ATP10B: variants seen among roughly 807,000 people sequenced by gnomAD.
ATP10B encodes ATPase phospholipid transporting 10B (putative), also known as phospholipid-transporting ATPase VB.
Under a neutral mutation model 141.2 loss-of-function variants are expected in ATP10B, and 122 were observed. The observed-to-expected ratio is 0.86, with a 90% CI of 0.75 to 1.00. The LOEUF (loss-of-function observed/expected upper bound fraction) is 1.00. ATP10B is among the 50% of genes least tolerant of loss of function. The pLI is 0.00. For synonymous variants in ATP10B, 685 were observed against 692.0 expected, an observed-to-expected ratio of 0.99 and a Z score of 0.16; for missense variants, 1,876 against 1,825.3, an observed-to-expected ratio of 1.03 and a Z score of -0.51.
chr5:160,919,075 T>A, the ATP10B span, among the ~76,000 whole-genome samples: 2 of 149,170 alleles, frequency 1.3e-5, no homozygotes, highest in Non-Finnish European at 3.0e-5. Flanking sequence ...AATACAAAAA[T>A]TAGCCGGGCA....
intron 2 of ATP10B, among the ~76,000 whole-genome samples, chr5:160,765,578 A>G (rs1769339305): frequency 1.3e-5 from 2 of 152,230 alleles, no homozygotes; most frequent in Non-Finnish European, 2.9e-5. Context: ...TGGATCAAAT[A>G]CTTAAATCTA....
chr5:160,663,367 T>C (rs1762075117), intron 7 of ATP10B, among the ~76,000 whole-genome samples: 1 of 152,114 alleles, frequency 6.6e-6, no homozygotes, highest in African/African-American at 2.4e-5. Flanking sequence ...CTATTCACAA[T>C]AGCAAAGACT....
At chr5:160,567,842 T>C (rs2127592659) in intron 25 of ATP10B, among the ~76,000 whole-genome samples, 1 of 152,222 alleles carries the variant, frequency 6.6e-6, no homozygotes. Flanking sequence ...CCAATGATAA[T>C]GGACTAGAGT....
intron 1 of ATP10B, among the ~76,000 whole-genome samples, chr5:160,816,465 C>T (rs546147527): frequency 6.6e-6 from 1 of 152,134 alleles, no homozygotes; most frequent in Admixed American, 6.5e-5. Flanking sequence ...GAAGTTGAAT[C>T]TCTGAATAGA....
intron 3 of ATP10B, among the ~76,000 whole-genome samples, chr5:160,690,365 T>G (rs1056926373): frequency 6.6e-6 from 1 of 152,108 alleles, no homozygotes; most frequent in African/African-American, 2.4e-5. Flanking sequence ...TGGGATCTAA[T>G]TAAACTAAAG....
chr5:160,583,460 C>T (rs1031587378), intron 24 of ATP10B, among the ~76,000 whole-genome samples: 23 of 152,354 alleles, frequency 1.5e-4, no homozygotes, highest in Middle Eastern at 6.8e-3. Context: ...CCCAGAGGGG[C>T]ACCCACCAGA....
At chr5:160,750,498 A>T (rs913790022) in intron 2 of ATP10B, among the ~76,000 whole-genome samples, 8 of 152,116 alleles carry the variant, frequency 5.3e-5, no homozygotes, top group African/African-American at 1.7e-4. Flanking sequence ...CTAAGTCATA[A>T]AATTTCCAGA....
chr5:160,818,413 T>C (rs1032701235), intron 1 of ATP10B, among the ~76,000 whole-genome samples: 8 of 152,236 alleles, frequency 5.3e-5, no homozygotes, highest in Non-Finnish European at 7.3e-5. Flanking sequence ...TCATTATCAC[T>C]GGCCATCAGA....
intron 7 of ATP10B, among the ~76,000 whole-genome samples, chr5:160,650,666 C>T (rs1251709075): frequency 6.6e-6 from 1 of 152,170 alleles, no homozygotes; most frequent in Non-Finnish European, 1.5e-5. Flanking sequence ...AGTAGGTCTT[C>T]AGGACCCAGA....
In ATP10B at chr5:160,798,786, T is replaced by G. The variant is rs1772148059; in HGVS notation, c.-575-12983A>C. Among the ~76,000 whole-genome samples the G allele has an allele frequency of 2.0e-5, 3 of 148,104 alleles. No homozygotes were observed. The South Asian group carries it at 6.5e-4, about 32-fold the overall frequency. ...TTTTTTTTGAGGCAAAGGCTTACTC[T>G]GTCACCCAGGCTGGAGTCCAATGGT... is the stretch of plus-strand genomic sequence containing the variant. On this transcript the variant is annotated intron_variant, in intron 1 of 25. Coordinates refer to ENST00000327245, the MANE Select transcript of ATP10B (RefSeq NM_025153.3).
the ATP10B span, among the ~76,000 whole-genome samples, chr5:160,883,035 T>A: frequency 6.6e-6 from 1 of 152,030 alleles, no homozygotes; most frequent in South Asian, 2.1e-4. Flanking sequence ...CTAGGATAAA[T>A]ATAGTAAACA....
In ATP10B at chr5:160,683,045, A is replaced by C. The variant is rs1317117144; in HGVS notation, c.470+3034T>G. Among the ~76,000 whole-genome samples the C allele has an allele frequency of 4.8e-3, 704 of 145,772 alleles. 1 individual carries two copies. Among genetic ancestry groups the C allele is most frequent in the Non-Finnish European group, 8.7e-3 (575 of 66,284 alleles). On this transcript the variant is annotated intron_variant, in intron 6 of 25. Coordinates refer to ENST00000327245, the MANE Select transcript of ATP10B (RefSeq NM_025153.3). ...CAGACCAAGACTCTGTCCCCCAAAA[A>C]AAAAAAAAAAAAAAAAAAAGAAGAA...
chr5:160,829,927 A>C (rs1256545266), intron 1 of ATP10B, among the ~76,000 whole-genome samples: 1 of 152,062 alleles, frequency 6.6e-6, no homozygotes, highest in African/African-American at 2.4e-5. Flanking sequence ...TTCCTTTCCT[A>C]TCCGGATGCC....
In ATP10B at chr5:160,688,069, G is replaced by T; in HGVS notation, c.6C>A (p.Ala2=). The stretch of plus-strand genomic sequence containing the variant: ...GATGCCACGATGAGTCCACTGAGAG[G>T]GCCATTTCCAGCAGCAGGCGAAGAT... M[A]LSVDSSWHRW... is the part of the protein sequence containing the mutation. The change falls in exon 5 of 26, where the codon GCC becomes GCA. Residue 2 remains alanine (A), a synonymous_variant. Transcript: ENST00000327245. 6.2e-7 allele frequency: 1 copy of T among 1,611,638 alleles called. No homozygotes were observed. Among genetic ancestry groups the T allele is most frequent in the Non-Finnish European group, 8.5e-7 (1 of 1,178,956 alleles).
chr5:160,891,520 G>A, the ATP10B span, among the ~76,000 whole-genome samples: 6 of 152,260 alleles, frequency 3.9e-5, no homozygotes, highest in South Asian at 1.0e-3. Flanking sequence ...CAGTGGCGCA[G>A]TCTCAACTCA....
intron 13 of ATP10B, among the ~76,000 whole-genome samples, chr5:160,624,702 T>C (rs1456562630): frequency 1.3e-5 from 2 of 152,178 alleles, no homozygotes; most frequent in African/African-American, 4.8e-5. Flanking sequence ...TATAACCTCA[T>C]CAGATTCTTA....
intron 1 of ATP10B, among the ~76,000 whole-genome samples, chr5:160,803,282 G>A (rs1357448998): frequency 1.3e-5 from 2 of 152,182 alleles, no homozygotes; most frequent in Non-Finnish European, 2.9e-5. Flanking sequence ...ACATTGCCAT[G>A]AAGATTATCA....
At chr5:160,705,241 G>A (rs971313218) in intron 3 of ATP10B, among the ~76,000 whole-genome samples, 1 of 151,830 alleles carries the variant, frequency 6.6e-6, no homozygotes, top group Admixed American at 6.6e-5. Context: ...TCTAAGACAG[G>A]GATTTGCTCT....
At chr5:160,780,873 AAAGT>A (rs1379457761) in intron 2 of ATP10B, among the ~76,000 whole-genome samples, 1 of 152,200 alleles carries the variant, frequency 6.6e-6, no homozygotes, top group African/African-American at 2.4e-5. Flanking sequence ...TCAATGCATA[AAAGT>A]AATAGCATGT....
Sources: gnomAD v4.1 joint callset for allele counts (sites outside exome capture counted in the v4.1 genomes callset) on GRCh38, gnomAD v4.1.1 for gene constraint, MANE v1.5 for transcripts, NCBI Gene and HGNC (gene_info 2026-07-23, HGNC 2026-07-21) for gene names.